Variants in TINAGL1 observed in about 807,000 individuals in gnomAD.
TINAGL1 encodes the protein tubulointerstitial nephritis antigen like 1.
TINAGL1 carries 34 observed loss-of-function variants against 62.0 expected under a neutral mutation model. That is an observed-to-expected ratio of 0.55 (90% CI 0.42 to 0.73). The LOEUF is 0.73. Ranked by LOEUF, TINAGL1 falls within the 30% of genes least tolerant of loss-of-function variation. TINAGL1 has a pLI of 0.00. For synonymous variants in TINAGL1, 221 were observed against 249.7 expected, an observed-to-expected ratio of 0.88 and a Z score of 1.08; for missense variants, 516 against 653.2, an observed-to-expected ratio of 0.79 and a Z score of 2.29.
In TINAGL1 at chr1:31,580,654, G is replaced by C. The variant is rs889841600; in HGVS notation, c.374+1387G>C. ...ATACTGGGTCTTGGCTCCCCTTGAG[G>C]CTCCTTAAAAGGCAACATTGGAGGT... On this transcript the variant is annotated intron_variant, in intron 3 of 11. Coordinates refer to ENST00000271064, the MANE Select transcript of TINAGL1 (RefSeq NM_022164.3). 3.1e-6 allele frequency: 4 copies of C among 1,288,966 alleles called. No individual in the cohort carries two copies. In the African/African-American group the frequency reaches 6.1e-5, roughly 20 times the overall value. The allele number at this position is 1,288,966 out of a possible 1,614,324, so 79.8% of individuals were successfully genotyped here.
At chr1:31,578,385 T>A (rs1056375755) in intron 2 of TINAGL1, among the ~76,000 whole-genome samples, 1 of 149,072 alleles carries the variant, frequency 6.7e-6, no homozygotes, top group Non-Finnish European at 1.5e-5. Flanking sequence ...GGTATGTGTG[T>A]GTGTGTGTGT....
rs552307203 is a variant in TINAGL1, at chr1:31,583,787, G to A, written c.582+212G>A. The A allele has an allele frequency of 6.0e-5, 35 of 583,728 alleles. No individual in the cohort carries two copies. Among genetic ancestry groups the A allele is most frequent in the South Asian group, 2.4e-4 (12 of 49,020 alleles). 36.2% of individuals were successfully genotyped at this position (583,728 alleles called of 1,614,324 possible). ...AGAACTGATGCTCAGATTGAATTTC[G>A]TGGTCTTGGCATCAGCTCCCCCCTG... On this transcript the variant is annotated intron_variant, in intron 5 of 11. Transcript: ENST00000271064. The surrounding 1 kb of genome is among the most constrained non-coding windows in gnomAD (Gnocchi z 4.4).
chr1:31,581,582 T>G (rs1427185458), intron 3 of TINAGL1, among the ~76,000 whole-genome samples: 7 of 152,190 alleles, frequency 4.6e-5, no homozygotes, highest in African/African-American at 7.2e-5. Flanking sequence ...AGATGCCTTT[T>G]GCACATCCAG....
Position 31,583,054 on chromosome 1 carries a change from C to A in TINAGL1, c.375-95C>A. 9.2e-7 allele frequency: 1 copy of A among 1,085,998 alleles called. No individual in the cohort carries two copies. Among genetic ancestry groups the A allele is most frequent in the Non-Finnish European group, 1.4e-6 (1 of 704,030 alleles). The allele number at this position is 1,085,998 out of a possible 1,614,324, so 67.3% of individuals were successfully genotyped here. A position where few individuals can be genotyped will look rare whatever the true frequency, so the allele number is the denominator to read the frequency against. On this transcript the variant is annotated intron_variant, in intron 3 of 11. Coordinates refer to ENST00000271064, the MANE Select transcript of TINAGL1 (RefSeq NM_022164.3). The surrounding 1 kb of genome is among the most constrained non-coding windows in gnomAD (Gnocchi z 4.4). ...AGAGATTCTCCCACAGTCACTTGCA[C>A]AGACTCCCTGGCCCATGTTAACCTC... is the stretch of plus-strand genomic sequence containing the variant.
rs1347491967 is a variant in TINAGL1 at position 31,585,556 on chromosome 1, G to A, written c.1093+71G>A. Reference sequence around the variant, plus strand: ...CTTGAGAGTGGGCACAGTAGCACAAGTGGCCTGCACAGCATTCAGCAGCAT... The same window carrying A: ...CTTGAGAGTGGGCACAGTAGCACAAATGGCCTGCACAGCATTCAGCAGCAT... On this transcript the variant is annotated intron_variant, in intron 9 of 11. Transcript: ENST00000271064. The surrounding 1 kb of genome is among the most constrained non-coding windows in gnomAD (Gnocchi z 4.3). 4.4e-6 allele frequency: 7 copies of A among 1,600,684 alleles called. No individual in the cohort carries two copies. Among genetic ancestry groups the A allele is most frequent in the Non-Finnish European group, 8.5e-7 (1 of 1,172,056 alleles).
At chr1:31,579,629 C>T (rs1008362370) in intron 3 of TINAGL1, 20 of 214,232 alleles carry the variant, frequency 9.3e-5, no homozygotes, top group Non-Finnish European at 7.4e-5. Flanking sequence ...CTGCAGCATC[C>T]GCTGCCCTGA....
At position 31,583,152 on chromosome 1, in the gene TINAGL1, C is replaced by T. The variant is rs759260698; in HGVS notation, c.378C>T (p.Thr126=). The T allele has an allele frequency of 2.5e-6, 4 of 1,614,154 alleles. No individual in the cohort carries two copies. Among genetic ancestry groups the T allele is most frequent in the Non-Finnish European group, 3.4e-6 (4 of 1,180,000 alleles). Residue 126 remains threonine (T), a synonymous_variant, in exon 4 of 12, where the codon ACC becomes ACT. Transcript: ENST00000271064. The surrounding 1 kb of genome is among the most constrained non-coding windows in gnomAD (Gnocchi z 4.4). ...GTYWDNCNRC[T]CQENRQWQCD... ...CCTTCTCTCCTTTTCTCACCAGCAC[C>T]TGCCAGGAGAACAGGCAGTGGCAGT...
At position 31,580,302 on chromosome 1, in the gene TINAGL1, G is replaced by A. The variant is rs937628323; in HGVS notation, c.374+1035G>A. ...TGGCCCCTTAGGCCCCCTCTGGAAT[G>A]CTGGGACCTGCTACCACCGGCCCTG... On this transcript the variant is annotated intron_variant, in intron 3 of 11. Transcript: ENST00000271064. 1.4e-5 allele frequency: 17 copies of A among 1,250,166 alleles called. No homozygotes were observed. In the African/African-American group the frequency reaches 2.3e-4, roughly 17 times the overall value. 77.4% of individuals were successfully genotyped at this position (1,250,166 alleles called of 1,614,324 possible). A position where few individuals can be genotyped will look rare whatever the true frequency, so the allele number is the denominator to read the frequency against.
rs1046151936 is a variant in TINAGL1 at position 31,583,142 on chromosome 1, T to C, written c.375-7T>C. On this transcript the variant is annotated splice_polypyrimidine_tract_variant and splice_region_variant and intron_variant, in intron 3 of 11. Transcript: ENST00000271064. The surrounding 1 kb of genome is among the most constrained non-coding windows in gnomAD (Gnocchi z 4.4). Reference sequence around the variant, plus strand: ...CTTACCCTTTCCTTCTCTCCTTTTCTCACCAGCACCTGCCAGGAGAACAGG... The same window carrying C: ...CTTACCCTTTCCTTCTCTCCTTTTCCCACCAGCACCTGCCAGGAGAACAGG... 2 of 1,613,906 alleles carry C rather than the reference T, an allele frequency of 1.2e-6. No individual in the cohort carries two copies. The highest frequency in any genetic ancestry group is 2.7e-5 in the African/African-American group (2 of 74,886).
intron 3 of TINAGL1, chr1:31,580,189 C>CTG (rs201734532): frequency 1.1e-4 from 47 of 437,306 alleles, no homozygotes; most frequent in South Asian, 3.3e-4. Context: ...CTCTCTCTCT[C>CTG]TCTCTCTCTC....
chr1:31,585,545 C>CA lies in TINAGL1; in HGVS notation c.1093+61dup. 1 of 1,606,116 alleles carries CA rather than the reference C, an allele frequency of 6.2e-7. No homozygotes were observed. Among genetic ancestry groups the CA allele is most frequent in the Non-Finnish European group, 8.5e-7 (1 of 1,175,230 alleles). ...GCTTGTGCCTGCTTGAGAGTGGGCACAGTAGCACAAGTGGCCTGCACAGCA... is the reference window on the plus strand; with the variant it reads ...GCTTGTGCCTGCTTGAGAGTGGGCACAAGTAGCACAAGTGGCCTGCACAGCA... On this transcript the variant is annotated intron_variant, in intron 9 of 11. Coordinates refer to ENST00000271064, the MANE Select transcript of TINAGL1 (RefSeq NM_022164.3). The surrounding 1 kb of genome is among the most constrained non-coding windows in gnomAD (Gnocchi z 4.3).
rs775188538 is a variant in TINAGL1 at position 31,585,716 on chromosome 1, C to T, written c.1094-37C>T. 3.9e-5 allele frequency: 62 copies of T among 1,598,610 alleles called. No individual in the cohort carries two copies. The highest frequency in any genetic ancestry group is 1.2e-4 in the South Asian group (11 of 88,402). ...ACTCAGGCTCCAGTGCCTGTGCCAA[C>T]GGGCTGAGTGGACCCTACCTTGACA... On this transcript the variant is annotated intron_variant, in intron 9 of 11. Coordinates refer to ENST00000271064, the MANE Select transcript of TINAGL1 (RefSeq NM_022164.3). The surrounding 1 kb of genome is among the most constrained non-coding windows in gnomAD (Gnocchi z 4.3).
At position 31,583,666 on chromosome 1, in the gene TINAGL1, G is replaced by A. The variant is rs879744875; in HGVS notation, c.582+91G>A. ...CTGTGCCCTGCTCCTCCAAGGGCCT[G>A]GACCATCCCCTACTACAAGGCTGTG... is the stretch of plus-strand genomic sequence containing the variant. On this transcript the variant is annotated intron_variant, in intron 5 of 11. Coordinates refer to ENST00000271064, the MANE Select transcript of TINAGL1 (RefSeq NM_022164.3). This position sits in a 1 kb window ranked among gnomAD's most constrained non-coding sequence, Gnocchi z 4.4. The A allele has an allele frequency of 2.1e-5, 24 of 1,124,202 alleles. No individual in the cohort carries two copies. In the Admixed American group the frequency reaches 4.9e-4, roughly 23 times the overall value. 69.6% of individuals were successfully genotyped at this position (1,124,202 alleles called of 1,614,324 possible). A position where few individuals can be genotyped will look rare whatever the true frequency, so the allele number is the denominator to read the frequency against.
Position 31,584,435 on chromosome 1 carries a change from A to C in TINAGL1, c.583-243A>C. ...CTGGCCTCAGCTGCCTCATCTGGGA[A>C]GCAGGACTAGTCACCACCGCCACCC... On this transcript the variant is annotated intron_variant, in intron 5 of 11. Transcript: ENST00000271064. This position sits in a 1 kb window ranked among gnomAD's most constrained non-coding sequence, Gnocchi z 4.0. 5.6e-6 allele frequency: 3 copies of C among 533,004 alleles called. No homozygotes were observed. The highest frequency in any genetic ancestry group is 3.5e-5 in the East Asian group (1 of 28,896). 33.0% of individuals were successfully genotyped at this position (533,004 alleles called of 1,614,324 possible).
Position 31,585,679 on chromosome 1 carries a change from A to C in TINAGL1, c.1094-74A>C. On this transcript the variant is annotated intron_variant, in intron 9 of 11. Transcript: ENST00000271064. This position sits in a 1 kb window ranked among gnomAD's most constrained non-coding sequence, Gnocchi z 4.3. The stretch of plus-strand genomic sequence containing the variant: ...TATGGAGGGACCCTGGTGCCTGGGC[A>C]CATCTCAATAGACTCAGGCTCCAGT... The C allele has an allele frequency of 6.4e-7, 1 of 1,561,938 alleles. No homozygotes were observed. Among genetic ancestry groups the C allele is most frequent in the Non-Finnish European group, 8.7e-7 (1 of 1,152,652 alleles).
intron 2 of TINAGL1, among the ~76,000 whole-genome samples, 174 bp from the exon 3 acceptor site, chr1:31,579,030 T>C (rs1186474975): frequency 2.6e-5 from 4 of 151,340 alleles, no homozygotes; most frequent in Non-Finnish European, 4.4e-5. Context: ...GTGTGATGTC[T>C]TCAGTTATAG....
At chr1:31,578,034 C>A in intron 2 of TINAGL1, 1 of 393,858 alleles carries the variant, frequency 2.5e-6, no homozygotes, top group Non-Finnish European at 3.5e-6. Context: ...CTTACCTTCT[C>A]TGGGCCTTGG....
chr1:31,578,051 C>T, intron 2 of TINAGL1: 10 of 614,814 alleles, frequency 1.6e-5, no homozygotes, highest in Non-Finnish European at 1.8e-5. Flanking sequence ...TTGGCTTCCC[C>T]ATGCTCCTCC....
At position 31,584,376 on chromosome 1, in the gene TINAGL1, A is replaced by G. The variant is rs1639328675; in HGVS notation, c.583-302A>G. ...AAAGAGGCAGGGGTTGAGAATGGAA[A>G]GCTGAGGGACCTGGCCTGGCCACTT... On this transcript the variant is annotated intron_variant, in intron 5 of 11. Transcript: ENST00000271064. The surrounding 1 kb of genome is among the most constrained non-coding windows in gnomAD (Gnocchi z 4.0). 2.6e-6 allele frequency: 1 copy of G among 386,262 alleles called. No individual in the cohort carries two copies. Among genetic ancestry groups the G allele is most frequent in the South Asian group, 3.1e-5 (1 of 32,404 alleles). The allele number at this position is 386,262 out of a possible 1,614,324, so 23.9% of individuals were successfully genotyped here. A position where few individuals can be genotyped will look rare whatever the true frequency, so the allele number is the denominator to read the frequency against.
Sources: allele counts gnomAD v4.1 joint callset (sites outside exome capture counted in the v4.1 genomes callset), GRCh38; gene constraint gnomAD v4.1.1; non-coding constraint Gnocchi (gnomAD v3.1); transcripts MANE v1.5; gene names NCBI Gene and HGNC (gene_info 2026-07-23, HGNC 2026-07-21).